LPCAT1: variants seen among roughly 807,000 people sequenced by gnomAD.
The protein encoded by LPCAT1 is lysophosphatidylcholine acyltransferase 1, also known as 1-acylglycerol-3-phosphate O-acyltransferase.
In LPCAT1, 23 loss-of-function variants were observed where a neutral mutation model predicts 60.9. The ratio of observed to expected loss-of-function variants is 0.38; its 90% CI spans 0.27 to 0.53. The LOEUF (loss-of-function observed/expected upper bound fraction) is 0.53. Among genes scored for constraint, LPCAT1 ranks in the 20% least tolerant of loss-of-function variants. LPCAT1 has a pLI of 0.82. For synonymous variants in LPCAT1, 340 were observed against 301.1 expected (o/e 1.13, Z -1.34); for missense variants, 622 against 723.6 (o/e 0.86, Z 1.61).
rs1240418999 is a variant in LPCAT1, at chr5:1,463,645, TG to T, written c.*5del. On this transcript the variant is annotated 3_prime_UTR_variant, in exon 14 of 14. Coordinates refer to ENST00000283415, the MANE Select transcript of LPCAT1 (RefSeq NM_024830.5). Reference sequence around the variant, plus strand: ...GAGGGGCCGCGTCTCTCCGCAACCCTGGGTCCTAATCCAGCTTCTTGCGAAC... The same window carrying T: ...GAGGGGCCGCGTCTCTCCGCAACCCTGGTCCTAATCCAGCTTCTTGCGAAC... 3 of 1,613,776 alleles carry T rather than the reference TG, an allele frequency of 1.9e-6. No homozygotes were observed. In the African/African-American group the frequency reaches 4.0e-5, roughly 22 times the overall value.
At position 1,483,504 on chromosome 5, in the gene LPCAT1, G is replaced by A. The variant is rs181785062; in HGVS notation, c.668-18C>T. ...GAATGCACCTGCCGAGAAAGGAACA[G>A]CGGTGTTGCCCATGGCAGCCCACGC... is the stretch of plus-strand genomic sequence containing the variant. On this transcript the variant is annotated intron_variant, in intron 5 of 13. Coordinates refer to ENST00000283415, the MANE Select transcript of LPCAT1 (RefSeq NM_024830.5). The surrounding 1 kb of genome is among the most constrained non-coding windows in gnomAD (Gnocchi z 9.2). 9 of 1,613,376 alleles carry A rather than the reference G, an allele frequency of 5.6e-6. No homozygotes were observed. Among genetic ancestry groups the A allele is most frequent in the Non-Finnish European group, 6.8e-6 (8 of 1,179,698 alleles).
chr5:1,507,591 G>A lies in LPCAT1; in HGVS notation c.136-5988C>T, dbSNP rs570411428. On this transcript the variant is annotated intron_variant, in intron 1 of 13. Transcript: ENST00000283415. ...TGCAGAGATGAAGATGGGACAGCAC[G>A]GCGCAGCCCACATCAGGGAAGCTGG... Among the ~76,000 whole-genome samples, 449 of 152,336 alleles carry A rather than the reference G, an allele frequency of 2.9e-3. 5 individuals carry two copies. The highest frequency in any genetic ancestry group is 0.01 in the African/African-American group (430 of 41,572).
intron 1 of LPCAT1, 66 bp from the exon 2 acceptor site, chr5:1,501,669 A>G: frequency 6.4e-7 from 1 of 1,550,942 alleles, no homozygotes; most frequent in Non-Finnish European, 8.9e-7. Flanking sequence ...CCCACCCGGC[A>G]GAGGCTAGCC....
intron 1 of LPCAT1, among the ~76,000 whole-genome samples, chr5:1,514,324 C>T (rs189805566): frequency 4.7e-4 from 72 of 152,362 alleles, no homozygotes; most frequent in African/African-American, 1.7e-3. Context: ...GCCAGCACTG[C>T]AGCCACAGCA....
At position 1,523,421 on chromosome 5, in the gene LPCAT1, G is replaced by A. The variant is rs1485830078; in HGVS notation, c.135+289C>T. 6.6e-6 allele frequency among the ~76,000 whole-genome samples: 1 copy of A among 151,788 alleles called. No individual in the cohort carries two copies. Among genetic ancestry groups the A allele is most frequent in the Non-Finnish European group, 1.5e-5 (1 of 67,884 alleles). The stretch of plus-strand genomic sequence containing the variant: ...CGGTTCAGGGTGCAGGGGTCTGGGG[G>A]GAGGAGCAGAACGCGGGGCGGGGAT... On this transcript the variant is annotated intron_variant, in intron 1 of 13. Coordinates refer to ENST00000283415, the MANE Select transcript of LPCAT1 (RefSeq NM_024830.5). This position sits in a 1 kb window ranked among gnomAD's most constrained non-coding sequence, Gnocchi z 7.1.
chr5:1,489,694 C>G, intron 4 of LPCAT1, 52 bp downstream of exon 4: 1 of 1,333,344 alleles, frequency 7.5e-7, no homozygotes, highest in Non-Finnish European at 1.1e-6. Context: ...TCGCGAAGTT[C>G]GCATCTTTCG....
intron 1 of LPCAT1, among the ~76,000 whole-genome samples, chr5:1,517,977 A>C (rs1198191418): frequency 6.6e-6 from 1 of 152,266 alleles, no homozygotes; most frequent in Non-Finnish European, 1.5e-5. Flanking sequence ...CTTACTAAAG[A>C]AAGTGGACAT....
In LPCAT1 at chr5:1,496,985, T is replaced by TC. The variant is rs1735816831; in HGVS notation, c.279-2072dup. On this transcript the variant is annotated intron_variant, in intron 2 of 13. Transcript: ENST00000283415. This position sits in a 1 kb window ranked among gnomAD's most constrained non-coding sequence, Gnocchi z 4.7. ...CCATCAGCACCCCCAGGAAATCCAC[T>TC]CCGTCCTACCGCCCTCACACGGACG... Among the ~76,000 whole-genome samples, 1 of 152,056 alleles carries TC rather than the reference T, an allele frequency of 6.6e-6. No homozygotes were observed. The highest frequency in any genetic ancestry group is 6.5e-5 in the Admixed American group (1 of 15,270).
intron 1 of LPCAT1, among the ~76,000 whole-genome samples, chr5:1,513,380 G>A (rs566211253): frequency 1.3e-5 from 2 of 152,282 alleles, no homozygotes; most frequent in South Asian, 4.1e-4. Flanking sequence ...AGGCTGGGAG[G>A]CCCTTCCATT....
intron 1 of LPCAT1, among the ~76,000 whole-genome samples, chr5:1,504,310 G>C (rs1047802642): frequency 1.3e-5 from 2 of 152,242 alleles, no homozygotes; most frequent in Non-Finnish European, 2.9e-5. Flanking sequence ...GTGGAGGAGA[G>C]CGCAGCGGAG....
At chr5:1,466,316 C>T (rs1349049520) in intron 13 of LPCAT1, among the ~76,000 whole-genome samples, 5 of 152,114 alleles carry the variant, frequency 3.3e-5, no homozygotes, top group African/African-American at 9.7e-5. Context: ...CTGGGCGGCA[C>T]GGGGGTCTGC....
At chr5:1,484,470 C>T (rs1041248377) in intron 5 of LPCAT1, among the ~76,000 whole-genome samples, 23 of 152,226 alleles carry the variant, frequency 1.5e-4, no homozygotes, top group Non-Finnish European at 2.9e-5. Context: ...GAAGGGCTCC[C>T]CTGCCTGGCG....
chr5:1,504,887 G>A (rs1423700091), intron 1 of LPCAT1, among the ~76,000 whole-genome samples: 2 of 152,252 alleles, frequency 1.3e-5, no homozygotes, highest in African/African-American at 4.8e-5. Flanking sequence ...GGCAGCCTCT[G>A]CCCACAGCCT....
At chr5:1,514,549 GC>G (rs1736448112) in intron 1 of LPCAT1, among the ~76,000 whole-genome samples, 2 of 152,158 alleles carry the variant, frequency 1.3e-5, no homozygotes, top group African/African-American at 4.8e-5. Flanking sequence ...TGAACCAAAC[GC>G]CCCACACCCT....
chr5:1,488,085 G>A (rs577592783), intron 5 of LPCAT1, among the ~76,000 whole-genome samples: 9 of 152,260 alleles, frequency 5.9e-5, no homozygotes, highest in Middle Eastern at 6.8e-3. Flanking sequence ...CCATTCAAAG[G>A]CAGTGAGACC....
intron 1 of LPCAT1, among the ~76,000 whole-genome samples, chr5:1,512,930 G>A (rs996362531): frequency 3.9e-5 from 6 of 152,240 alleles, no homozygotes; most frequent in African/African-American, 1.4e-4. Context: ...TGGCTCAGAC[G>A]GCACAGGTGC....
At chr5:1,501,977 ACACTGACTGG>A (rs1211426535) in intron 1 of LPCAT1, among the ~76,000 whole-genome samples, 1 of 151,898 alleles carries the variant, frequency 6.6e-6, no homozygotes, top group Non-Finnish European at 1.5e-5. Context: ...AGGCTGACCA[ACACTGACTGG>A]CACTGACCAA....
In LPCAT1 at chr5:1,500,470, G is replaced by A. The variant is rs186917293; in HGVS notation, c.278+991C>T. On this transcript the variant is annotated intron_variant, in intron 2 of 13. Transcript: ENST00000283415. Reference sequence around the variant, plus strand: ...GGTAGGTGTGCTTTATTTATATTCCGTGCTTAAAAGCCAGGAAGAGTTTAG... The same window carrying A: ...GGTAGGTGTGCTTTATTTATATTCCATGCTTAAAAGCCAGGAAGAGTTTAG... 8.5e-4 allele frequency among the ~76,000 whole-genome samples: 129 copies of A among 152,198 alleles called. 1 individual carries two copies. Among genetic ancestry groups the A allele is most frequent in the African/African-American group, 3.0e-3 (125 of 41,530 alleles).
chr5:1,472,396 T>G (rs1734719248), intron 11 of LPCAT1, among the ~76,000 whole-genome samples: 1 of 152,074 alleles, frequency 6.6e-6, no homozygotes, highest in Non-Finnish European at 1.5e-5. Flanking sequence ...TTCTTTGTGC[T>G]ACGCCACACC....
Sources: allele counts gnomAD v4.1 joint callset (sites outside exome capture counted in the v4.1 genomes callset), GRCh38; gene constraint gnomAD v4.1.1; non-coding constraint Gnocchi (gnomAD v3.1); transcripts MANE v1.5; gene names NCBI Gene and HGNC (gene_info 2026-07-23, HGNC 2026-07-21).